Variants in ZNF823 observed in about 807,000 individuals in gnomAD.
The protein encoded by ZNF823 is ZFP 36 for a zinc finger protein.
ZNF823 carries 5 observed loss-of-function variants against 11.4 expected under a neutral mutation model. The ratio of observed to expected loss-of-function variants is 0.44; its 90% confidence interval spans 0.23 to 0.92. The LOEUF (loss-of-function observed/expected upper bound fraction) is 0.92. Ranked by LOEUF, ZNF823 falls within the 40% of genes least tolerant of loss-of-function variation. The pLI is 0.24. For missense variants in ZNF823, 582 were observed against 738.5 expected (o/e 0.79, Z 2.46); for synonymous variants, 234 against 250.5 (o/e 0.93, Z 0.62).
intron 1 of ZNF823, among the ~76,000 whole-genome samples, chr19:11,738,337 T>C (rs547188427): frequency 3.3e-5 from 5 of 152,160 alleles, no homozygotes; most frequent in African/African-American, 1.2e-4. Context: ...AGGAGTCACC[T>C]CTCACTTCTC....
At chr19:11,726,446 T>C (rs951031025) in intron 1 of ZNF823, among the ~76,000 whole-genome samples, 1 of 151,930 alleles carries the variant, frequency 6.6e-6, no homozygotes, top group African/African-American at 2.4e-5. Flanking sequence ...TGAAACTTCA[T>C]CCTCAATATG....
intron 1 of ZNF823, among the ~76,000 whole-genome samples, chr19:11,732,651 T>G (rs1179207281): frequency 6.6e-6 from 1 of 151,844 alleles, no homozygotes; most frequent in Non-Finnish European, 1.5e-5. Context: ...GCCAGGATGG[T>G]CTCGATCTCC....
intron 1 of ZNF823, among the ~76,000 whole-genome samples, chr19:11,729,336 T>A (rs1407988733): frequency 6.6e-6 from 1 of 152,188 alleles, no homozygotes; most frequent in Non-Finnish European, 1.5e-5. Context: ...TAAATTTAGA[T>A]AAATCAGGTT....
At chr19:11,723,805 A>C (rs1974740673) in intron 3 of ZNF823, among the ~76,000 whole-genome samples, 1 of 152,218 alleles carries the variant, frequency 6.6e-6, no homozygotes. Context: ...TTGGCCTCCT[A>C]AAGTGCTGGG....
chr19:11,725,435 C>T (rs886195480), intron 1 of ZNF823, 108 bp from the exon 2 acceptor site: 72 of 1,489,040 alleles, frequency 4.8e-5, no homozygotes, highest in Admixed American at 7.5e-5. Context: ...AGCATTTATT[C>T]GATGACATAG....
At chr19:11,729,274 A>C (rs1974851834) in intron 1 of ZNF823, among the ~76,000 whole-genome samples, 1 of 152,174 alleles carries the variant, frequency 6.6e-6, no homozygotes, top group African/African-American at 2.4e-5. Context: ...AAAGGTATGG[A>C]GGAATATATG....
chr19:11,736,753 T>C (rs1460774414), intron 1 of ZNF823, among the ~76,000 whole-genome samples: 1 of 152,158 alleles, frequency 6.6e-6, no homozygotes, highest in African/African-American at 2.4e-5. Flanking sequence ...CTGACTACTT[T>C]AGTGTCAGTT....
chr19:11,726,865 C>T (rs1974801186), intron 1 of ZNF823, among the ~76,000 whole-genome samples: 1 of 152,202 alleles, frequency 6.6e-6, no homozygotes, highest in Admixed American at 6.5e-5. Context: ...TAACGTTTCA[C>T]GTGTTTGGTT....
At chr19:11,723,657 T>TGCCTCA (rs1208714682) in intron 3 of ZNF823, among the ~76,000 whole-genome samples, 1 of 152,228 alleles carries the variant, frequency 6.6e-6, no homozygotes, top group African/African-American at 2.4e-5. Flanking sequence ...GCAATTCTTC[T>TGCCTCA]GCCTCAGCCT....
intron 1 of ZNF823, among the ~76,000 whole-genome samples, chr19:11,738,242 G>C (rs1233895371): frequency 6.6e-6 from 1 of 152,178 alleles, no homozygotes. Flanking sequence ...ATCCTGAATT[G>C]CAGCGGAAAG....
At position 11,722,138 on chromosome 19, in the gene ZNF823, T is replaced by C. The variant is rs1344556755; in HGVS notation, c.1396A>G (p.Thr466Ala). The C allele has an allele frequency of 1.2e-6, 2 of 1,614,034 alleles. No homozygotes were observed. The highest frequency in any genetic ancestry group is 1.3e-5 in the African/African-American group (1 of 74,936). ...TTACACTCATATGGCTTCTCTCCAG[T>C]GTGAGTTGTCTCATGATTTTGAAAG... ...SSFQNHETTH[T>A]GEKPYECKEC... Residue 466 changes from threonine to alanine, a missense_variant, in exon 4 of 4, where the codon ACT (threonine) becomes GCT (alanine). Around this residue, in one of 3 missense-constraint regions of ZNF823, gnomAD observed 9 missense variants for 30.5 expected, o/e 0.29. Coordinates refer to ENST00000341191, the MANE Select transcript of ZNF823 (RefSeq NM_001080493.4). The surrounding 1 kb of genome is among the most constrained non-coding windows in gnomAD (Gnocchi z 5.2).
At position 11,737,153 on chromosome 19, in the gene ZNF823, T is replaced by C. The variant is rs1975005451; in HGVS notation, c.3+1664A>G. 2.0e-5 allele frequency among the ~76,000 whole-genome samples: 3 copies of C among 152,140 alleles called. No individual in the cohort carries two copies. In the South Asian group the frequency reaches 6.2e-4, roughly 32 times the overall value. On this transcript the variant is annotated intron_variant, in intron 1 of 3. Transcript: ENST00000341191. Reference sequence around the variant, plus strand: ...CCCAGGACCAGGACACCATAGAGGGTGGGCTGACAGATCACCCTGTGCCAT... The same window carrying C: ...CCCAGGACCAGGACACCATAGAGGGCGGGCTGACAGATCACCCTGTGCCAT...
Position 11,722,981 on chromosome 19 carries a change from C to G in ZNF823, c.553G>C (p.Ala185Pro). 6.2e-7 allele frequency: 1 copy of G among 1,614,184 alleles called. No individual in the cohort carries two copies. Among genetic ancestry groups the G allele is most frequent in the Non-Finnish European group, 8.5e-7 (1 of 1,180,038 alleles). The change falls in exon 4 of 4, where the codon GCA becomes CCA. Residue 185 changes from alanine (A) to proline (P), a missense_variant. Transcript: ENST00000341191. The surrounding 1 kb of genome is among the most constrained non-coding windows in gnomAD (Gnocchi z 5.2). ...SLGNLRRHMA[A>P]HHGDGPYKCK... is the part of the protein sequence containing the mutation. ...TTATAAGGTCCATCTCCATGGTGTG[C>G]CGCCATGTGTCTTCGGAGGTTTCCA...
Position 11,721,766 on chromosome 19 carries a change from T to C in ZNF823, c.1768A>G (p.Lys590Glu). ...EKLYECKECGKALSSLRSLHR... is the reference protein window; with the variant it reads ...EKLYECKECGEALSSLRSLHR... ...AAGGAACGGAGAGAACTCAATGCTTTCCCACATTCCTTACATTCATACAGC... is the reference window on the plus strand; with the variant it reads ...AAGGAACGGAGAGAACTCAATGCTTCCCCACATTCCTTACATTCATACAGC... The change falls in exon 4 of 4, where the codon AAA becomes GAA. Residue 590 changes from lysine to glutamate, a missense_variant. Around this residue, in one of 3 missense-constraint regions of ZNF823, gnomAD observed 144 missense variants for 154.3 expected, o/e 0.93. Coordinates refer to ENST00000341191, the MANE Select transcript of ZNF823 (RefSeq NM_001080493.4). The C allele has an allele frequency of 6.2e-7, 1 of 1,614,196 alleles. No homozygotes were observed. The highest frequency in any genetic ancestry group is 8.5e-7 in the Non-Finnish European group (1 of 1,180,016).
Position 11,722,047 on chromosome 19 carries a change from T to C in ZNF823, c.1487A>G (p.Glu496Gly). The change falls in exon 4 of 4, where the codon GAA (glutamate) becomes GGA (glycine). Residue 496 changes from glutamate (E) to glycine (G), a missense_variant. Glu to Gly is a moderately conservative substitution (Grantham distance 98). Around this residue, in one of 3 missense-constraint regions of ZNF823, gnomAD observed 144 missense variants for 154.3 expected, o/e 0.93. Coordinates refer to ENST00000341191, the MANE Select transcript of ZNF823 (RefSeq NM_001080493.4). The surrounding 1 kb of genome is among the most constrained non-coding windows in gnomAD (Gnocchi z 5.2). The part of the protein sequence containing the change: ...LSQHKRTHTV[E>G]KPYECKTCRK... ...ACATGTTTTACACTCATAAGGTTTTTCTACTGTGTGGGTCCTTTTATGTTG... is the reference window on the plus strand; with the variant it reads ...ACATGTTTTACACTCATAAGGTTTTCCTACTGTGTGGGTCCTTTTATGTTG... The C allele has an allele frequency of 6.2e-7, 1 of 1,613,456 alleles. No homozygotes were observed. Among genetic ancestry groups the C allele is most frequent in the South Asian group, 1.1e-5 (1 of 90,930 alleles).
chr19:11,731,353 G>GA (rs1358313196), intron 1 of ZNF823, among the ~76,000 whole-genome samples: 1 of 152,044 alleles, frequency 6.6e-6, no homozygotes, highest in Non-Finnish European at 1.5e-5. Flanking sequence ...CATATTAATG[G>GA]AATATTAAGT....
chr19:11,732,234 G>C (rs1448439963), intron 1 of ZNF823, among the ~76,000 whole-genome samples: 9 of 144,874 alleles, frequency 6.2e-5, no homozygotes, highest in Non-Finnish European at 1.0e-4. Flanking sequence ...GTATGATCTC[G>C]GCTCACTGCA....
chr19:11,725,083 C>T (rs368053615), intron 2 of ZNF823, 118 bp downstream of exon 2: 3 of 1,354,294 alleles, frequency 2.2e-6, no homozygotes, highest in Non-Finnish European at 3.0e-6. Flanking sequence ...ACCTCTAAAC[C>T]CTGTGTTGTT....
At position 11,723,295 on chromosome 19, in the gene ZNF823, A is replaced by G. The variant is rs762541363; in HGVS notation, c.239T>C (p.Phe80Ser). 49 of 1,613,538 alleles carry G rather than the reference A, an allele frequency of 3.0e-5. 2 individuals carry two copies. In the South Asian group the frequency reaches 4.9e-4, roughly 16 times the overall value. Residue 80 changes from phenylalanine (F) to serine (S), a missense_variant, in exon 4 of 4, where the codon TTT becomes TCT. By Grantham distance (155) the Phe-to-Ser change is radical. Around this residue, in one of 3 missense-constraint regions of ZNF823, gnomAD observed 429 missense variants for 553.7 expected, o/e 0.77. Transcript: ENST00000341191. ...IKDDSQCGET[F>S]GQIPDSIVNK... Reference sequence around the variant, plus strand: ...CACAATACTATCTGGAATCTGGCCAAAAGTTTCTCCACATTGACTGTCATC... The same window carrying G: ...CACAATACTATCTGGAATCTGGCCAGAAGTTTCTCCACATTGACTGTCATC...
Sources: allele counts gnomAD v4.1 joint callset (sites outside exome capture counted in the v4.1 genomes callset), GRCh38; gene constraint gnomAD v4.1.1; regional missense constraint gnomAD v4.1.1; non-coding constraint Gnocchi (gnomAD v3.1); transcripts MANE v1.5; gene names NCBI Gene and HGNC (gene_info 2026-07-23, HGNC 2026-07-21).